GAN: variants seen among roughly 807,000 people sequenced by gnomAD.
The protein encoded by GAN is gigaxonin, also known as epididymis secretory sperm binding protein.
In GAN, 48 loss-of-function variants were observed where a neutral mutation model predicts 71.3. That is an observed-to-expected ratio of 0.67 (90% CI 0.53 to 0.86). GAN has a LOEUF of 0.86. Ranked by LOEUF, GAN falls within the 40% of genes least tolerant of loss-of-function variation. The probability of loss-of-function intolerance (pLI) is 0.00; values close to 1 mark genes in which losing one functional copy is unlikely to be tolerated. For synonymous variants in GAN, 386 were observed against 276.8 expected, an observed-to-expected ratio of 1.39 and a Z score of -3.92; for missense variants, 928 against 770.1, an observed-to-expected ratio of 1.21 and a Z score of -2.43.
intron 9 of GAN, among the ~76,000 whole-genome samples, chr16:81,375,147 G>A (rs1250143747): frequency 6.6e-6 from 1 of 151,952 alleles, no homozygotes; most frequent in Non-Finnish European, 1.5e-5. Flanking sequence ...TTCTTCAAAA[G>A]AGTCCATTAG....
intron 5 of GAN, 57 bp downstream of exon 5, chr16:81,357,988 AG>A: frequency 7.0e-7 from 1 of 1,428,894 alleles, no homozygotes; most frequent in South Asian, 1.1e-5. Context: ...TGTAATCTCA[AG>A]GTTTTACAGA....
chr16:81,339,095 C>G (rs1597394870), intron 1 of GAN, among the ~76,000 whole-genome samples: 1 of 152,090 alleles, frequency 6.6e-6, no homozygotes, highest in African/African-American at 2.4e-5. Flanking sequence ...ATTGGAAATA[C>G]AAAAAACATA....
chr16:81,370,229 A>G (rs949609926), intron 9 of GAN, among the ~76,000 whole-genome samples: 6 of 152,198 alleles, frequency 3.9e-5, no homozygotes, highest in African/African-American at 9.6e-5. Flanking sequence ...GGTCTACCCC[A>G]CTGACCACAT....
At chr16:81,349,723 GT>G in intron 1 of GAN, among the ~76,000 whole-genome samples, 1 of 152,260 alleles carries the variant, frequency 6.6e-6, no homozygotes, top group Admixed American at 6.5e-5. Context: ...CTGATCCTTT[GT>G]TGACTTTATT....
rs1305348794 is a variant in GAN at position 81,379,161 on chromosome 16, A to G, written c.*1565A>G. 1.3e-5 allele frequency: 2 copies of G among 152,204 alleles called. No homozygotes were observed. The highest frequency in any genetic ancestry group is 4.8e-5 in the African/African-American group (2 of 41,446). 9.4% of individuals were successfully genotyped at this position (152,204 alleles called of 1,614,324 possible). A position where few individuals can be genotyped will look rare whatever the true frequency, so the allele number is the denominator to read the frequency against. On this transcript the variant is annotated 3_prime_UTR_variant, in exon 11 of 11. Coordinates refer to ENST00000648994, the MANE Select transcript of GAN (RefSeq NM_022041.4). ...GGAATTTCTTCTAGAAACTTCCTGT[A>G]TGGAACGTTTATATGCAATTAACAT...
chr16:81,377,188 C>G (rs1172527095), intron 9 of GAN, 31 bp from the exon 10 acceptor site: 1 of 1,277,742 alleles, frequency 7.8e-7, no homozygotes. Context: ...CTTTTGATTT[C>G]CTTAATTTTG....
chr16:81,347,541 T>G (rs6564871), intron 1 of GAN, among the ~76,000 whole-genome samples: 121,725 of 151,958 alleles, frequency 0.8, 49,042 homozygotes, highest in East Asian at 0.94. Flanking sequence ...CCTTTGTTTT[T>G]TTGGGGCACA....
At position 81,380,561 on chromosome 16, in the gene GAN, T is replaced by C. The variant is rs1362961005; in HGVS notation, c.*2965T>C. On this transcript the variant is annotated 3_prime_UTR_variant, in exon 11 of 11. Transcript: ENST00000648994. ...AGAAAAAGTGTGAGAGATGAATGAG[T>C]GAGTTGTACGTGTGTGTGTGATGCT... is the stretch of plus-strand genomic sequence containing the variant. 3 of 152,124 alleles carry C rather than the reference T, an allele frequency of 2.0e-5. No individual in the cohort carries two copies. 9.4% of individuals were successfully genotyped at this position (152,124 alleles called of 1,614,324 possible). A position where few individuals can be genotyped will look rare whatever the true frequency, so the allele number is the denominator to read the frequency against.
chr16:81,316,527 C>T (rs970949953), intron 1 of GAN, among the ~76,000 whole-genome samples: 3 of 151,954 alleles, frequency 2.0e-5, no homozygotes, highest in South Asian at 2.1e-4. Context: ...GGGGTAGCAT[C>T]GTTAGTACAG....
intron 1 of GAN, among the ~76,000 whole-genome samples, chr16:81,341,101 G>C (rs949782377): frequency 2.0e-5 from 3 of 151,934 alleles, no homozygotes; most frequent in African/African-American, 7.3e-5. Context: ...GAAAAAAGGA[G>C]TGAAAAGAAA....
chr16:81,361,756 A>G (rs191564747), intron 5 of GAN, among the ~76,000 whole-genome samples: 2 of 152,310 alleles, frequency 1.3e-5, no homozygotes, highest in African/African-American at 2.4e-5. Flanking sequence ...GTACAATGGC[A>G]TGATCACAGC....
intron 1 of GAN, among the ~76,000 whole-genome samples, chr16:81,336,849 C>T (rs911745111): frequency 6.6e-5 from 10 of 152,122 alleles, no homozygotes; most frequent in Admixed American, 3.9e-4. Context: ...CCCTTTCCCC[C>T]ATCCCTACCC....
In GAN at chr16:81,385,624, C is replaced by G. The variant is rs1314543488; in HGVS notation, c.*8028C>G. ...TGCTGCCACCATGATTATGTCACCT[C>G]TCAACATGGGGTGGTGGGAGGCCCT... On this transcript the variant is annotated 3_prime_UTR_variant, in exon 11 of 11. Transcript: ENST00000648994. 4.6e-5 allele frequency: 7 copies of G among 152,332 alleles called. No homozygotes were observed. The allele number at this position is 152,332 out of a possible 1,614,324, so 9.4% of individuals were successfully genotyped here. A position where few individuals can be genotyped will look rare whatever the true frequency, so the allele number is the denominator to read the frequency against.
intron 1 of GAN, among the ~76,000 whole-genome samples, chr16:81,345,320 T>C (rs1910082664): frequency 6.6e-6 from 1 of 152,196 alleles, no homozygotes. Flanking sequence ...GATGCGGCAC[T>C]ATTCACAATA....
intron 7 of GAN, among the ~76,000 whole-genome samples, chr16:81,364,674 A>G (rs1295905769): frequency 1.3e-5 from 2 of 152,184 alleles, no homozygotes; most frequent in African/African-American, 2.4e-5. Flanking sequence ...AGGCAACTGA[A>G]CGAGACCCTG....
At chr16:81,340,865 A>C (rs1909918504) in intron 1 of GAN, among the ~76,000 whole-genome samples, 1 of 152,096 alleles carries the variant, frequency 6.6e-6, no homozygotes, top group African/African-American at 2.4e-5. Context: ...AGCATGTTTT[A>C]ACCCATCGCA....
chr16:81,328,530 C>G (rs1909463537), intron 1 of GAN, among the ~76,000 whole-genome samples: 1 of 152,080 alleles, frequency 6.6e-6, no homozygotes, highest in Admixed American at 6.5e-5. Flanking sequence ...GGTAAACCTA[C>G]TTTGGAGACT....
chr16:81,332,185 A>G (rs1909603525), intron 1 of GAN, among the ~76,000 whole-genome samples: 1 of 151,950 alleles, frequency 6.6e-6, no homozygotes, highest in African/African-American at 2.4e-5. Flanking sequence ...AAGAAAAAGA[A>G]AAAAAAGAAG....
chr16:81,381,553 G>C lies in GAN; in HGVS notation c.*3957G>C, dbSNP rs1394300800. The C allele has an allele frequency of 6.6e-6, 1 of 152,214 alleles. No homozygotes were observed. Among genetic ancestry groups the C allele is most frequent in the Non-Finnish European group, 1.5e-5 (1 of 68,078 alleles). 9.4% of individuals were successfully genotyped at this position (152,214 alleles called of 1,614,324 possible). On this transcript the variant is annotated 3_prime_UTR_variant, in exon 11 of 11. Transcript: ENST00000648994. ...CTGAGTGTAGCAAAACCCGCCTTGGGTCAGCCAACACATGTCTGATGAGCA... is the reference window on the plus strand; with the variant it reads ...CTGAGTGTAGCAAAACCCGCCTTGGCTCAGCCAACACATGTCTGATGAGCA...
Sources: allele counts gnomAD v4.1 joint callset (sites outside exome capture counted in the v4.1 genomes callset), GRCh38; gene constraint gnomAD v4.1.1; transcripts MANE v1.5; gene names NCBI Gene and HGNC (gene_info 2026-07-23, HGNC 2026-07-21).